Variants in MET observed in about 807,000 individuals in gnomAD.
The protein encoded by MET is MET proto-oncogene, receptor tyrosine kinase.
Under a neutral mutation model 133.1 loss-of-function variants are expected in MET, and 48 were observed. The ratio of observed to expected loss-of-function variants is 0.36; its 90% CI spans 0.29 to 0.46. The LOEUF (loss-of-function observed/expected upper bound fraction) is 0.46. MET is among the 20% of genes least tolerant of loss of function. The pLI is 1.00. For synonymous variants in MET, 628 were observed against 616.5 expected (o/e 1.02, Z -0.28); for missense variants, 1,442 against 1,695.9 (o/e 0.85, Z 2.63).
At chr7:116,679,953 T>C (rs1429154398) in intron 1 of MET, among the ~76,000 whole-genome samples, 2 of 152,240 alleles carry the variant, frequency 1.3e-5, no homozygotes, top group Middle Eastern at 3.2e-3. Context: ...GAGATCTTTC[T>C]TGATACCATA....
intron 1 of MET, among the ~76,000 whole-genome samples, chr7:116,674,516 C>A (rs1204604476): frequency 6.6e-6 from 1 of 151,982 alleles, no homozygotes; most frequent in East Asian, 1.9e-4. Context: ...TTTGAAGTAG[C>A]ATTAGTCATA....
intron 19 of MET, among the ~76,000 whole-genome samples, chr7:116,790,275 C>G (rs553719252): frequency 1.3e-5 from 2 of 152,256 alleles, no homozygotes; most frequent in East Asian, 1.9e-4. Flanking sequence ...ACAATTCTCT[C>G]TCTCCCCCAG....
intron 5 of MET, among the ~76,000 whole-genome samples, chr7:116,744,858 AAGAC>A (rs1337679365): frequency 1.3e-5 from 2 of 152,208 alleles, no homozygotes; most frequent in African/African-American, 4.8e-5. Context: ...GAAACCCTAC[AAGAC>A]AGACACAAGA....
At chr7:116,794,352 G>C (rs934255184) in intron 19 of MET, among the ~76,000 whole-genome samples, 1 of 152,170 alleles carries the variant, frequency 6.6e-6, no homozygotes, top group African/African-American at 2.4e-5. Flanking sequence ...TGATTGTTAA[G>C]ATTTTCAGAC....
chr7:116,677,743 A>G (rs761045329), intron 1 of MET, among the ~76,000 whole-genome samples: 2 of 152,186 alleles, frequency 1.3e-5, no homozygotes, highest in Non-Finnish European at 2.9e-5. Flanking sequence ...TTTAAAACCA[A>G]TATTTTATGT....
At chr7:116,688,104 T>C (rs1031098520) in intron 1 of MET, among the ~76,000 whole-genome samples, 18 of 152,342 alleles carry the variant, frequency 1.2e-4, no homozygotes, top group African/African-American at 3.1e-4. Context: ...GTCTGATTCA[T>C]TCGTGAGTAA....
chr7:116,751,277 A>T (rs1243091254), intron 5 of MET, among the ~76,000 whole-genome samples: 1 of 152,198 alleles, frequency 6.6e-6, no homozygotes, highest in East Asian at 1.9e-4. Context: ...TTGCAGGGAC[A>T]TGGATGAAGC....
chr7:116,762,633 C>T (rs1467747056), intron 10 of MET, among the ~76,000 whole-genome samples: 7 of 152,092 alleles, frequency 4.6e-5, no homozygotes, highest in Admixed American at 4.6e-4. Flanking sequence ...TCAGTGTGGG[C>T]CCTACCTTAG....
Position 116,796,386 on chromosome 7 carries a change from C to A in MET, c.*262C>A. 1 of 516,602 alleles carries A rather than the reference C, an allele frequency of 1.9e-6. No individual in the cohort carries two copies. Among genetic ancestry groups the A allele is most frequent in the South Asian group, 2.2e-5 (1 of 45,032 alleles). 32.0% of individuals were successfully genotyped at this position (516,602 alleles called of 1,614,324 possible). On this transcript the variant is annotated 3_prime_UTR_variant, in exon 21 of 21. Coordinates refer to ENST00000397752, the MANE Select transcript of MET (RefSeq NM_000245.4). ...CATATTGGAGTCCAAAACTTGAATTCTGGGTTGAATTTTTTAAAAATCAGG... is the reference window on the plus strand; with the variant it reads ...CATATTGGAGTCCAAAACTTGAATTATGGGTTGAATTTTTTAAAAATCAGG...
At chr7:116,690,807 T>C (rs1045307158) in intron 1 of MET, among the ~76,000 whole-genome samples, 2 of 152,182 alleles carry the variant, frequency 1.3e-5, no homozygotes, top group Non-Finnish European at 2.9e-5. Flanking sequence ...AAGAAACTCT[T>C]AGTATCTAGT....
intron 5 of MET, among the ~76,000 whole-genome samples, chr7:116,741,778 A>T (rs73208165): frequency 5.9e-5 from 9 of 152,338 alleles, no homozygotes; most frequent in Non-Finnish European, 1.2e-4. Context: ...TTCCAAAAAT[A>T]TTTATTGAGT....
intron 2 of MET, among the ~76,000 whole-genome samples, chr7:116,704,834 A>C (rs758810596): frequency 2.0e-5 from 3 of 152,166 alleles, no homozygotes; most frequent in Non-Finnish European, 4.4e-5. Flanking sequence ...CATATCTTGC[A>C]TTCAAGAATT....
At chr7:116,716,286 A>G (rs938862857) in intron 2 of MET, among the ~76,000 whole-genome samples, 340 of 16,320 alleles carry the variant, frequency 0.021, 3 homozygotes, top group African/African-American at 0.083. Flanking sequence ...GGAGAGAGGG[A>G]GAGAGAGAGA....
intron 12 of MET, among the ~76,000 whole-genome samples, chr7:116,771,034 G>C (rs1399920328): frequency 6.6e-6 from 1 of 152,114 alleles, no homozygotes; most frequent in Admixed American, 6.6e-5. Flanking sequence ...AATATTCTGA[G>C]ACTTTATTGT....
At chr7:116,674,253 G>A (rs749259118) in intron 1 of MET, among the ~76,000 whole-genome samples, 5 of 152,106 alleles carry the variant, frequency 3.3e-5, no homozygotes, top group Admixed American at 6.5e-5. Flanking sequence ...GATAAAAAAT[G>A]TACCAGATTA....
chr7:116,693,346 C>A (rs983670669), intron 1 of MET, among the ~76,000 whole-genome samples: 7 of 152,162 alleles, frequency 4.6e-5, no homozygotes, highest in Admixed American at 1.3e-4. Flanking sequence ...AATACAGCCA[C>A]CATGGCTGAT....
At position 116,796,114 on chromosome 7, in the gene MET, A is replaced by G. The variant is rs2117114140; in HGVS notation, c.4163A>G (p.Glu1388Gly). Residue 1388 changes from glutamate to glycine, a missense_variant, in exon 21 of 21, where the codon GAG becomes GGG. Around this residue, in one of 6 missense-constraint regions of MET, gnomAD observed 94 missense variants for 109.5 expected, o/e 0.86. Coordinates refer to ENST00000397752, the MANE Select transcript of MET (RefSeq NM_000245.4). ...EVDTRPASFW[E>G]TS is the part of the protein sequence containing the mutation. Reference sequence around the variant, plus strand: ...GACACACGACCAGCCTCCTTCTGGGAGACATCATAGTGCTAGTACTATGTC... The same window carrying G: ...GACACACGACCAGCCTCCTTCTGGGGGACATCATAGTGCTAGTACTATGTC... The G allele has an allele frequency of 6.2e-7, 1 of 1,613,940 alleles. No homozygotes were observed. Among genetic ancestry groups the G allele is most frequent in the Non-Finnish European group, 8.5e-7 (1 of 1,179,854 alleles).
At chr7:116,729,911 T>G (rs1792934804) in intron 2 of MET, among the ~76,000 whole-genome samples, 1 of 152,368 alleles carries the variant, frequency 6.6e-6, no homozygotes, top group African/African-American at 2.4e-5. Context: ...CTACTATGCA[T>G]GATAGTTAAT....
intron 18 of MET, 29 bp downstream of exon 18, chr7:116,782,126 C>A (rs2117060964): frequency 6.9e-7 from 1 of 1,441,078 alleles, no homozygotes; most frequent in Non-Finnish European, 9.8e-7. Context: ...GTGCCACAAT[C>A]CAAATTAAGT....
Sources: allele counts gnomAD v4.1 joint callset (sites outside exome capture counted in the v4.1 genomes callset), GRCh38; gene constraint gnomAD v4.1.1; regional missense constraint gnomAD v4.1.1; transcripts MANE v1.5; gene names NCBI Gene and HGNC (gene_info 2026-07-23, HGNC 2026-07-21).